CELF4: variants seen among roughly 807,000 people sequenced by gnomAD.
CELF4 encodes the protein CUGBP Elav-like family member 4, also known as CUG-BP- and ETR-3-like factor 4.
CELF4 carries 18 observed loss-of-function variants against 59.9 expected under a neutral mutation model. The observed-to-expected ratio is 0.30, with a 90% CI of 0.21 to 0.45. The LOEUF is 0.45. Among genes scored for constraint, CELF4 ranks in the 20% least tolerant of loss-of-function variants. The pLI is 1.00. For missense variants in CELF4, 456 were observed against 689.0 expected, an observed-to-expected ratio of 0.66 and a Z score of 3.79; for synonymous variants, 261 against 267.1, an observed-to-expected ratio of 0.98 and a Z score of 0.22.
chr18:37,528,233 A>C (rs2099965927), intron 1 of CELF4, among the ~76,000 whole-genome samples: 1 of 152,236 alleles, frequency 6.6e-6, no homozygotes, highest in Non-Finnish European at 1.5e-5. Context: ...ATTTAATGGG[A>C]GCTTAAATTG....
intron 2 of CELF4, among the ~76,000 whole-genome samples, chr18:37,347,911 T>C (rs2098323344): frequency 6.6e-6 from 1 of 152,254 alleles, no homozygotes; most frequent in South Asian, 2.1e-4. Context: ...GGCTCCCCTT[T>C]ATTTTCTTCT....
chr18:37,537,992 G>A (rs1379411246), intron 1 of CELF4, among the ~76,000 whole-genome samples: 3 of 152,250 alleles, frequency 2.0e-5, no homozygotes, highest in African/African-American at 7.2e-5. Flanking sequence ...GAGAGTCCCA[G>A]GCGCTGAATC....
intron 2 of CELF4, among the ~76,000 whole-genome samples, chr18:37,435,166 C>G (rs1422012535): frequency 6.6e-6 from 1 of 152,190 alleles, no homozygotes; most frequent in Non-Finnish European, 1.5e-5. Context: ...CTACTCTGAC[C>G]TGACTGTGAA....
chr18:37,253,820 G>T lies in CELF4; in HGVS notation c.1452C>A (p.Arg484=). 1 of 1,604,356 alleles carries T rather than the reference G, an allele frequency of 6.2e-7. No homozygotes were observed. Among genetic ancestry groups the T allele is most frequent in the Non-Finnish European group, 8.5e-7 (1 of 1,175,852 alleles). ...VQLKRPKDAN[R]PY is the part of the protein sequence containing the mutation. Reference sequence around the variant, plus strand: ...ACGCTCCCGCCGGCGCTCAGTACGGGCGATTGGCGTCTTTGGGCCGCTTCA... The same window carrying T: ...ACGCTCCCGCCGGCGCTCAGTACGGTCGATTGGCGTCTTTGGGCCGCTTCA... Residue 484 remains arginine (R), a synonymous_variant, in exon 12 of 13, where the codon CGC becomes CGA. Coordinates refer to ENST00000420428, the MANE Select transcript of CELF4 (RefSeq NM_020180.4). The surrounding 1 kb of genome is among the most constrained non-coding windows in gnomAD (Gnocchi z 4.5).
At chr18:37,555,420 G>A (rs987584447) in intron 1 of CELF4, among the ~76,000 whole-genome samples, 3 of 152,072 alleles carry the variant, frequency 2.0e-5, no homozygotes, top group East Asian at 1.9e-4. Flanking sequence ...CTGTTTCCCC[G>A]GTCTCCTTGC....
chr18:37,530,871 G>C (rs544665205), intron 1 of CELF4, among the ~76,000 whole-genome samples: 1 of 150,614 alleles, frequency 6.6e-6, no homozygotes, highest in East Asian at 2.0e-4. Context: ...AAGACGGAGA[G>C]AGAAAGGAAG....
intron 11 of CELF4, among the ~76,000 whole-genome samples, chr18:37,257,546 T>G (rs1371510736): frequency 6.6e-6 from 1 of 152,166 alleles, no homozygotes; most frequent in Non-Finnish European, 1.5e-5. Context: ...TGCAAAGATC[T>G]TGACTACTTT....
chr18:37,429,107 C>T (rs1786815), intron 2 of CELF4, among the ~76,000 whole-genome samples: 13 of 152,022 alleles, frequency 8.6e-5, no homozygotes, highest in African/African-American at 3.1e-4. Flanking sequence ...TAAGGAATAT[C>T]GGAACACTGG....
intron 2 of CELF4, among the ~76,000 whole-genome samples, chr18:37,444,275 A>T (rs2099741534): frequency 6.6e-6 from 1 of 151,804 alleles, no homozygotes; most frequent in South Asian, 2.1e-4. Flanking sequence ...GTAGGGGTGG[A>T]TCCCCCCTAG....
intron 2 of CELF4, among the ~76,000 whole-genome samples, chr18:37,326,520 TCCC>T (rs2097317804): frequency 6.6e-6 from 1 of 152,148 alleles, no homozygotes; most frequent in African/African-American, 2.4e-5. Context: ...GTCCTCAGTG[TCCC>T]CATGGAGGCC....
chr18:37,285,409 C>T (rs898615997), intron 3 of CELF4, among the ~76,000 whole-genome samples: 1 of 152,228 alleles, frequency 6.6e-6, no homozygotes, highest in Non-Finnish European at 1.5e-5. Flanking sequence ...CCGTCCTTGG[C>T]CCCTGGGGCC....
chr18:37,421,048 T>C (rs926231950), intron 2 of CELF4, among the ~76,000 whole-genome samples: 2 of 152,288 alleles, frequency 1.3e-5, no homozygotes, highest in African/African-American at 4.8e-5. Flanking sequence ...TTGACTCAAG[T>C]GTAGGAGCTG....
intron 2 of CELF4, among the ~76,000 whole-genome samples, chr18:37,464,943 A>G (rs879900760): frequency 3.9e-5 from 6 of 152,134 alleles, no homozygotes; most frequent in South Asian, 2.1e-4. Flanking sequence ...GTCTGTGAGG[A>G]GTCTCCTTGG....
chr18:37,258,244 C>T (rs66884960), intron 11 of CELF4, among the ~76,000 whole-genome samples: 26,095 of 151,290 alleles, frequency 0.17, 2,507 homozygotes, highest in African/African-American at 0.25. Flanking sequence ...TTTCCACTGC[C>T]TACCACACCC....
chr18:37,437,741 C>T (rs1385863142), intron 2 of CELF4, among the ~76,000 whole-genome samples: 1 of 152,216 alleles, frequency 6.6e-6, no homozygotes, highest in African/African-American at 2.4e-5. Flanking sequence ...TCCTGATCTC[C>T]ACAGCCAGAG....
At chr18:37,334,641 C>G (rs938871653) in intron 2 of CELF4, among the ~76,000 whole-genome samples, 1 of 152,064 alleles carries the variant, frequency 6.6e-6, no homozygotes, top group Non-Finnish European at 1.5e-5. Context: ...CTCCACTCCC[C>G]CCGGACTGTG....
intron 2 of CELF4, among the ~76,000 whole-genome samples, chr18:37,447,545 CT>C (rs1318436433): frequency 6.6e-6 from 1 of 152,156 alleles, no homozygotes; most frequent in Non-Finnish European, 1.5e-5. Flanking sequence ...GTTTTTCTTT[CT>C]CTGTGCAGGC....
chr18:37,326,020 C>G (rs951073786), intron 2 of CELF4, among the ~76,000 whole-genome samples: 4 of 152,192 alleles, frequency 2.6e-5, no homozygotes, highest in African/African-American at 9.6e-5. Flanking sequence ...TGAAGAGAAA[C>G]CTTCCTCCCT....
At chr18:37,468,566 C>T (rs2099814148) in intron 2 of CELF4, among the ~76,000 whole-genome samples, 1 of 152,182 alleles carries the variant, frequency 6.6e-6, no homozygotes, top group Admixed American at 6.5e-5. Context: ...AGTCATTCAA[C>T]TAGCTTCAGG....
Sources: gnomAD v4.1 joint callset for allele counts (sites outside exome capture counted in the v4.1 genomes callset) on GRCh38, gnomAD v4.1.1 for gene constraint, Gnocchi (gnomAD v3.1) non-coding constraint, MANE v1.5 for transcripts, NCBI Gene and HGNC (gene_info 2026-07-23, HGNC 2026-07-21) for gene names.